The following RIPOR3 variants were observed in gnomAD, a reference collection of about 807,000 sequenced individuals.
RIPOR3 encodes family with sequence similarity 65 member C.
A neutral mutation model predicts 114.3 loss-of-function variants in RIPOR3; 95 were observed. That is an observed-to-expected ratio of 0.83 (90% CI 0.70 to 0.99). The LOEUF is 0.99. RIPOR3 is among the 50% of genes least tolerant of loss of function. The pLI is 0.00. For synonymous variants in RIPOR3, 575 were observed against 543.8 expected, an observed-to-expected ratio of 1.06 and a Z score of -0.80; for missense variants, 1,252 against 1,266.9, an observed-to-expected ratio of 0.99 and a Z score of 0.18.
chr20:50,612,148 A>G (rs2084001699), intron 4 of RIPOR3, among the ~76,000 whole-genome samples: 1 of 151,808 alleles, frequency 6.6e-6, no homozygotes, highest in Non-Finnish European at 1.5e-5. Context: ...AAAGAAAAAA[A>G]GTAGGACCAT....
rs151226713 is a variant in RIPOR3 at position 50,623,781 on chromosome 20, C to T, written c.123-3649G>A. Among the ~76,000 whole-genome samples the T allele has an allele frequency of 2.7e-3, 417 of 152,248 alleles. 4 individuals are homozygous for T. The highest frequency in any genetic ancestry group is 9.3e-3 in the African/African-American group (388 of 41,524). On this transcript the variant is annotated intron_variant, in intron 2 of 21. Transcript: ENST00000327979. ...GGGGCACCTGCTGCCGCCAGGAGCT[C>T]GCTAAGGGCTTTATAGAAATATCTC... is the stretch of plus-strand genomic sequence containing the variant.
At chr20:50,684,062 C>G (rs1232765054) in intron 1 of RIPOR3, among the ~76,000 whole-genome samples, 1 of 151,640 alleles carries the variant, frequency 6.6e-6, no homozygotes, top group Non-Finnish European at 1.5e-5. Flanking sequence ...TCCTGGGCGA[C>G]AGTGTGAGGC....
chr20:50,645,139 G>GC (rs1185577195), intron 1 of RIPOR3, among the ~76,000 whole-genome samples: 8 of 152,168 alleles, frequency 5.3e-5, no homozygotes, highest in African/African-American at 1.9e-4. Context: ...ACTGCGCCTG[G>GC]CCCCCATTTC....
intron 15 of RIPOR3, 97 bp downstream of exon 15, chr20:50,596,043 C>T: frequency 6.5e-7 from 1 of 1,539,780 alleles, no homozygotes; most frequent in East Asian, 2.3e-5. Context: ...AGGTCTGTCA[C>T]CCCTTCATGC....
intron 13 of RIPOR3, 58 bp from the exon 14 acceptor site, chr20:50,597,768 A>T: frequency 6.3e-7 from 1 of 1,585,650 alleles, no homozygotes; most frequent in Non-Finnish European, 8.6e-7. Flanking sequence ...CCCGACTGGG[A>T]CACTGGCCAG....
At chr20:50,642,100 A>T (rs532460172) in intron 1 of RIPOR3, among the ~76,000 whole-genome samples, 1 of 152,056 alleles carries the variant, frequency 6.6e-6, no homozygotes, top group Non-Finnish European at 1.5e-5. Context: ...ACATTTGGCT[A>T]CTACTCTTAG....
At chr20:50,647,766 G>T (rs550588487) in intron 1 of RIPOR3, among the ~76,000 whole-genome samples, 1 of 151,876 alleles carries the variant, frequency 6.6e-6, no homozygotes, top group East Asian at 2.0e-4. Flanking sequence ...ACAGGCATGA[G>T]CCACCGCACC....
chr20:50,674,228 G>A (rs981832087), intron 1 of RIPOR3, among the ~76,000 whole-genome samples: 4 of 152,052 alleles, frequency 2.6e-5, no homozygotes, highest in Non-Finnish European at 5.9e-5. Context: ...GGGATTGGAG[G>A]GTCTCAAAAC....
chr20:50,600,299 T>A (rs2083448533), intron 13 of RIPOR3, among the ~76,000 whole-genome samples: 1 of 152,222 alleles, frequency 6.6e-6, no homozygotes, highest in Admixed American at 6.5e-5. Flanking sequence ...TGCATTGTTC[T>A]GACTTCGTTT....
chr20:50,625,070 GT>G (rs11482142), intron 2 of RIPOR3, among the ~76,000 whole-genome samples: 112 of 136,684 alleles, frequency 8.2e-4, no homozygotes, highest in East Asian at 1.0e-3. Context: ...CAGTGCTTTT[GT>G]TTTTTTTTTT....
At chr20:50,652,096 T>C (rs1806925793) in intron 1 of RIPOR3, among the ~76,000 whole-genome samples, 1 of 152,246 alleles carries the variant, frequency 6.6e-6, no homozygotes, top group African/African-American at 2.4e-5. Flanking sequence ...TTTAGGGTTC[T>C]GCTGTGGAAC....
chr20:50,688,707 G>A (rs527276197), intron 1 of RIPOR3, among the ~76,000 whole-genome samples: 110 of 152,218 alleles, frequency 7.2e-4, no homozygotes, highest in African/African-American at 2.5e-3. Flanking sequence ...ACTAAACAGC[G>A]GGAAGCTTTG....
chr20:50,689,034 G>A (rs2087120257), intron 1 of RIPOR3, among the ~76,000 whole-genome samples: 1 of 152,120 alleles, frequency 6.6e-6, no homozygotes, highest in Non-Finnish European at 1.5e-5. Flanking sequence ...CCATAGGGTT[G>A]TTACAACCGA....
chr20:50,642,686 G>C (rs903951971), intron 1 of RIPOR3, among the ~76,000 whole-genome samples: 5 of 149,696 alleles, frequency 3.3e-5, no homozygotes, highest in Non-Finnish European at 3.0e-5. Context: ...ACCCCTGCTC[G>C]CCAGGACCAA....
intron 1 of RIPOR3, among the ~76,000 whole-genome samples, chr20:50,676,299 C>T (rs1299235854): frequency 6.6e-6 from 1 of 152,050 alleles, no homozygotes; most frequent in Non-Finnish European, 1.5e-5. Flanking sequence ...CACGTACTTG[C>T]CATGGTGTGT....
Position 50,586,851 on chromosome 20 carries a change from G to A in RIPOR3, c.*381C>T, listed in dbSNP as rs974531577. 2 of 183,322 alleles carry A rather than the reference G, an allele frequency of 1.1e-5. No individual in the cohort carries two copies. Among genetic ancestry groups the A allele is most frequent in the Admixed American group, 5.4e-5 (1 of 18,376 alleles). 11.4% of individuals were successfully genotyped at this position (183,322 alleles called of 1,614,324 possible). A position where few individuals can be genotyped will look rare whatever the true frequency, so the allele number is the denominator to read the frequency against. On this transcript the variant is annotated 3_prime_UTR_variant, in exon 22 of 22. Coordinates refer to ENST00000327979, the MANE Select transcript of RIPOR3 (RefSeq NM_001290268.2). ...AGCAGCTGACCGGCAGCGAGGCCTG[G>A]AGTTCTACACACTTGCCTTGGAGCC...
At chr20:50,616,329 TTTTC>T (rs1057160287) in intron 3 of RIPOR3, among the ~76,000 whole-genome samples, 3 of 152,208 alleles carry the variant, frequency 2.0e-5, no homozygotes, top group Admixed American at 6.5e-5. Flanking sequence ...ATTATATGCA[TTTTC>T]TTTCTTTCTT....
intron 11 of RIPOR3, among the ~76,000 whole-genome samples, chr20:50,607,247 G>A (rs962957581): frequency 1.3e-5 from 2 of 152,148 alleles, no homozygotes; most frequent in Non-Finnish European, 2.9e-5. Context: ...CCCCTTGTCT[G>A]TAAAAGGGGT....
intron 1 of RIPOR3, among the ~76,000 whole-genome samples, chr20:50,679,149 TACAC>T (rs869151189): frequency 1.0e-5 from 1 of 99,728 alleles, no homozygotes; most frequent in African/African-American, 4.0e-5. Flanking sequence ...TATATATATA[TACAC>T]ACACACACAC....
Sources: gnomAD v4.1 joint callset for allele counts (sites outside exome capture counted in the v4.1 genomes callset) on GRCh38, gnomAD v4.1.1 for gene constraint, MANE v1.5 for transcripts, NCBI Gene and HGNC (gene_info 2026-07-23, HGNC 2026-07-21) for gene names.